POU2F2: variants seen among roughly 807,000 people sequenced by gnomAD.
POU2F2 encodes POU class 2 homeobox 2.
Under a neutral mutation model 63.5 loss-of-function variants are expected in POU2F2, and 14 were observed. The observed-to-expected ratio is 0.22, with a 90% CI of 0.15 to 0.34. The LOEUF is 0.34. Ranked by LOEUF, POU2F2 falls within the 10% of genes least tolerant of loss-of-function variation. The probability of loss-of-function intolerance (pLI) is 1.00; values close to 1 mark genes in which losing one functional copy is unlikely to be tolerated. For missense variants in POU2F2, 607 were observed against 815.2 expected (o/e 0.74, Z 3.11); for synonymous variants, 306 against 348.6 (o/e 0.88, Z 1.36).
At chr19:42,102,462 T>A (rs1022747019) in intron 5 of POU2F2, among the ~76,000 whole-genome samples, 5 of 152,014 alleles carry the variant, frequency 3.3e-5, no homozygotes, top group Non-Finnish European at 7.4e-5. Flanking sequence ...AATAAAAGTA[T>A]TTTTTAAGAC....
At chr19:42,104,026 A>G (rs920695930) in intron 5 of POU2F2, among the ~76,000 whole-genome samples, 3 of 152,216 alleles carry the variant, frequency 2.0e-5, no homozygotes, top group Admixed American at 6.5e-5. Context: ...TTACAAATCC[A>G]TAAGTAAAAA....
rs1293329873 is a variant in POU2F2, at chr19:42,155,577, G to T, written c.-9+4755C>A. ...TTGAAAGTTTGAGAAAAGCAAGGGTGGATCACTGTGTAAAGGACCTCAGAA... is the reference window on the plus strand; with the variant it reads ...TTGAAAGTTTGAGAAAAGCAAGGGTTGATCACTGTGTAAAGGACCTCAGAA... On this transcript the variant is annotated intron_variant, in intron 2 of 6. Transcript: ENST00000524801. This position sits in a 1 kb window ranked among gnomAD's most constrained non-coding sequence, Gnocchi z 4.2. The T allele has an allele frequency of 6.6e-6, 1 of 152,400 alleles. No homozygotes were observed. The highest frequency in any genetic ancestry group is 2.4e-5 in the African/African-American group (1 of 41,448). The allele number at this position is 152,400 out of a possible 1,614,324, so 9.4% of individuals were successfully genotyped here.
In POU2F2 at chr19:42,092,504, ACT is replaced by A. The variant is rs2076760253; in HGVS notation, c.1265-236_1265-235del. Among the ~76,000 whole-genome samples, 2 of 152,178 alleles carry A rather than the reference ACT, an allele frequency of 1.3e-5. No homozygotes were observed. The highest frequency in any genetic ancestry group is 2.9e-5 in the Non-Finnish European group (2 of 68,000). ...CAGGTGCTTCCTGCTGAGCCCTGGC[ACT>A]CTACACTCCCTGCCCTGAACCACTT... On this transcript the variant is annotated intron_variant, in intron 12 of 14. Transcript: ENST00000692977. This position sits in a 1 kb window ranked among gnomAD's most constrained non-coding sequence, Gnocchi z 5.0.
chr19:42,156,729 C>T lies in POU2F2; in HGVS notation c.-9+3603G>A, dbSNP rs1241535232. 6.6e-6 allele frequency: 1 copy of T among 152,168 alleles called. No individual in the cohort carries two copies. Among genetic ancestry groups the T allele is most frequent in the Non-Finnish European group, 1.5e-5 (1 of 68,064 alleles). 9.4% of individuals were successfully genotyped at this position (152,168 alleles called of 1,614,324 possible). A position where few individuals can be genotyped will look rare whatever the true frequency, so the allele number is the denominator to read the frequency against. ...GGCTTGTCTGAAGAACCTGAACTGCCCTTAAGGCCTGCGCCTCCCATCCCA... is the reference window on the plus strand; with the variant it reads ...GGCTTGTCTGAAGAACCTGAACTGCTCTTAAGGCCTGCGCCTCCCATCCCA... On this transcript the variant is annotated intron_variant, in intron 2 of 6. Transcript: ENST00000524801. This position sits in a 1 kb window ranked among gnomAD's most constrained non-coding sequence, Gnocchi z 4.1.
rs1470643398 is a variant in POU2F2 at position 42,169,752 on chromosome 19, G to GAC, written c.-70+6210_-70+6211insGT. Among the ~76,000 whole-genome samples the GAC allele has an allele frequency of 2.0e-5, 3 of 152,124 alleles. No homozygotes were observed. The highest frequency in any genetic ancestry group is 4.4e-5 in the Non-Finnish European group (3 of 68,016). On this transcript the variant is annotated intron_variant, in intron 1 of 6. Transcript: ENST00000524801. The surrounding 1 kb of genome is among the most constrained non-coding windows in gnomAD (Gnocchi z 4.3). ...CGAATGAGTGCGCGCACACGTGTGT[G>GAC]TGTGCGTGTGTGTGTGTGTCGGGGT...
At chr19:42,116,754 C>A in intron 5 of POU2F2, 2 of 354,040 alleles carry the variant, frequency 5.6e-6, no homozygotes, top group South Asian at 2.0e-5. Context: ...GCTGTGGGGT[C>A]CCAGGGGGCT....
In POU2F2 at chr19:42,096,375, C is replaced by G; in HGVS notation, c.568-132G>C. On this transcript the variant is annotated intron_variant, in intron 7 of 14. Transcript: ENST00000692977. The surrounding 1 kb of genome is among the most constrained non-coding windows in gnomAD (Gnocchi z 4.1). ...GCCGCCTGCAGACTCCCCCCGCCTT[C>G]CTCCACAAGCACCGTCAATCCCTTT... 1.1e-6 allele frequency: 1 copy of G among 934,060 alleles called. No individual in the cohort carries two copies. The highest frequency in any genetic ancestry group is 1.6e-6 in the Non-Finnish European group (1 of 640,922). The allele number at this position is 934,060 out of a possible 1,614,324, so 57.9% of individuals were successfully genotyped here.
chr19:42,135,820 G>A (rs534598014), upstream of POU2F2, among the ~76,000 whole-genome samples: 1 of 149,788 alleles, frequency 6.7e-6, no homozygotes, highest in Non-Finnish European at 1.5e-5. Context: ...CGCATCTCAC[G>A]CCTCCTCAGC....
rs955849607 is a variant in POU2F2, at chr19:42,095,061, G to A, written c.1197+225C>T. On this transcript the variant is annotated intron_variant, in intron 11 of 14. Coordinates refer to ENST00000692977, the MANE Select transcript of POU2F2 (RefSeq NM_001394376.1). This position sits in a 1 kb window ranked among gnomAD's most constrained non-coding sequence, Gnocchi z 7.1. Reference sequence around the variant, plus strand: ...ATGGCACTGTGATAACTCTGTGTCTGGCTATGTCGGTGTGTATCTAGGGGT... The same window carrying A: ...ATGGCACTGTGATAACTCTGTGTCTAGCTATGTCGGTGTGTATCTAGGGGT... 2.6e-5 allele frequency among the ~76,000 whole-genome samples: 4 copies of A among 152,186 alleles called. No homozygotes were observed. Among genetic ancestry groups the A allele is most frequent in the Admixed American group, 6.5e-5 (1 of 15,274 alleles).
chr19:42,096,227 G>T lies in POU2F2; in HGVS notation c.584C>A (p.Thr195Lys). The T allele has an allele frequency of 5.9e-6, 9 of 1,534,308 alleles. No homozygotes were observed. The highest frequency in any genetic ancestry group is 8.0e-6 in the Non-Finnish European group (9 of 1,125,920). ...GTGCGAGAGGTGCGGGTCGGGCAGC[G>T]TAGGGCGGGTCACGGCCTGGTGGGG... ...GLPTQAVTRPTLPDPHLSHPQ... is the reference protein window; with the variant it reads ...GLPTQAVTRPKLPDPHLSHPQ... Residue 195 changes from threonine to lysine, a missense_variant, in exon 8 of 15, where the codon ACG becomes AAG. By Grantham distance (78) the Thr-to-Lys change is moderately conservative. This residue lies in a region of POU2F2 where 224 missense variants were observed against 264.3 expected (regional missense o/e 0.85). Coordinates refer to ENST00000692977, the MANE Select transcript of POU2F2 (RefSeq NM_001394376.1). This position sits in a 1 kb window ranked among gnomAD's most constrained non-coding sequence, Gnocchi z 4.1.
chr19:42,122,513 G>A lies in POU2F2; in HGVS notation c.92C>T (p.Thr31Ile). ...KQGLDSPSEH[T>I]DTERNGPDTN... ...CCCCCTGCTCCCTGCCCACCCACCT[G>A]TGTGCTCTGATGGGGAGTCCAGACC... Residue 31 changes from threonine to isoleucine, a missense_variant and splice_region_variant, in exon 2 of 15, where the codon ACA becomes ATA. By Grantham distance (89) the Thr-to-Ile change is moderately conservative. This residue lies in a region of POU2F2 where 224 missense variants were observed against 264.3 expected (regional missense o/e 0.85). Coordinates refer to ENST00000692977, the MANE Select transcript of POU2F2 (RefSeq NM_001394376.1). 1 of 1,610,460 alleles carries A rather than the reference G, an allele frequency of 6.2e-7. No homozygotes were observed. The highest frequency in any genetic ancestry group is 8.5e-7 in the Non-Finnish European group (1 of 1,178,188).
At chr19:42,180,032 A>G (rs919486490), upstream of POU2F2, among the ~76,000 whole-genome samples, 5 of 152,172 alleles carry the variant, frequency 3.3e-5, no homozygotes, top group African/African-American at 7.2e-5. Flanking sequence ...TGTTCACAAC[A>G]CAAATAAATA....
Position 42,162,403 on chromosome 19 carries a change from G to A in POU2F2, c.-69-2011C>T, listed in dbSNP as rs564527103. The stretch of plus-strand genomic sequence containing the variant: ...GTATTCCCAGCAGTGCCTTAAGACT[G>A]GGAGCTATTTAGAAGATGTCTTCCC... On this transcript the variant is annotated intron_variant, in intron 1 of 6. Coordinates refer to the POU2F2 transcript ENST00000524801. This position sits in a 1 kb window ranked among gnomAD's most constrained non-coding sequence, Gnocchi z 4.1. 6.6e-6 allele frequency among the ~76,000 whole-genome samples: 1 copy of A among 152,228 alleles called. No homozygotes were observed. The highest frequency in any genetic ancestry group is 1.9e-4 in the East Asian group (1 of 5,174).
chr19:42,177,126 C>A, upstream of POU2F2: 1 of 150,890 alleles, frequency 6.6e-6, no homozygotes, highest in South Asian at 2.1e-4. Flanking sequence ...CCCGCCCGCC[C>A]GGCTGCGCCG....
rs1385297561 is a variant in POU2F2 at position 42,089,462 on chromosome 19, CCT to C, written c.*1793_*1794del. 5 of 152,354 alleles carry C rather than the reference CCT, an allele frequency of 3.3e-5. No individual in the cohort carries two copies. Among genetic ancestry groups the C allele is most frequent in the African/African-American group, 1.2e-4 (5 of 41,348 alleles). 9.4% of individuals were successfully genotyped at this position (152,354 alleles called of 1,614,324 possible). A position where few individuals can be genotyped will look rare whatever the true frequency, so the allele number is the denominator to read the frequency against. Reference sequence around the variant, plus strand: ...GGAGGGGAGTTTGGGGCTCTTCACCCCTGTCCCTGATACCCTCTCTCAGCCCC... The same window carrying C: ...GGAGGGGAGTTTGGGGCTCTTCACCCGTCCCTGATACCCTCTCTCAGCCCC... On this transcript the variant is annotated 3_prime_UTR_variant, in exon 15 of 15. Transcript: ENST00000692977.
rs553643591 is a variant in POU2F2 at position 42,162,163 on chromosome 19, C to T, written c.-69-1771G>A. Among the ~76,000 whole-genome samples, 1 of 152,290 alleles carries T rather than the reference C, an allele frequency of 6.6e-6. No homozygotes were observed. The highest frequency in any genetic ancestry group is 2.1e-4 in the South Asian group (1 of 4,826). ...AGGCAGTGCCCCCACCTTGGGCTTC[C>T]CTCCAGCAGGGCCCACACTTGAGTC... On this transcript the variant is annotated intron_variant, in intron 1 of 6. Transcript: ENST00000524801. The surrounding 1 kb of genome is among the most constrained non-coding windows in gnomAD (Gnocchi z 4.1).
At chr19:42,106,015 C>CTT (rs1324413721) in intron 5 of POU2F2, among the ~76,000 whole-genome samples, 1 of 141,094 alleles carries the variant, frequency 7.1e-6, no homozygotes, top group Non-Finnish European at 1.5e-5. Context: ...TTCTTTCTTT[C>CTT]TTTCTTTCTT....
At chr19:42,118,915 A>C (rs2032251109) in intron 4 of POU2F2, among the ~76,000 whole-genome samples, 1 of 152,224 alleles carries the variant, frequency 6.6e-6, no homozygotes, top group African/African-American at 2.4e-5. Flanking sequence ...GGACAGAGAC[A>C]AACAGAGGCC....
chr19:42,138,024 C>T (rs2146751384), intron 2 of POU2F2, among the ~76,000 whole-genome samples: 1 of 152,170 alleles, frequency 6.6e-6, no homozygotes, highest in South Asian at 2.1e-4. Flanking sequence ...GCCTTGCAGG[C>T]CAAGGTAAGA....
Sources: gnomAD v4.1 joint callset for allele counts (sites outside exome capture counted in the v4.1 genomes callset) on GRCh38, gnomAD v4.1.1 for gene constraint, gnomAD v4.1.1 regional missense constraint, Gnocchi (gnomAD v3.1) non-coding constraint, MANE v1.5 for transcripts, NCBI Gene and HGNC (gene_info 2026-07-23, HGNC 2026-07-21) for gene names.